COL13A1: variants seen among roughly 807,000 people sequenced by gnomAD.
COL13A1 encodes the protein collagen alpha-1(XIII) chain.
A neutral mutation model predicts 130.9 loss-of-function variants in COL13A1; 89 were observed. The ratio of observed to expected loss-of-function variants is 0.68; its 90% CI spans 0.57 to 0.81. The LOEUF is 0.81. Ranked by LOEUF, COL13A1 falls within the 30% of genes least tolerant of loss-of-function variation. The probability of loss-of-function intolerance (pLI) is 0.00; values close to 1 mark genes in which losing one functional copy is unlikely to be tolerated. For synonymous variants in COL13A1, 402 were observed against 341.6 expected, an observed-to-expected ratio of 1.18 and a Z score of -1.95; for missense variants, 879 against 934.6, an observed-to-expected ratio of 0.94 and a Z score of 0.78.
intron 1 of COL13A1, among the ~76,000 whole-genome samples, chr10:69,816,710 G>A (rs1457201450): frequency 6.6e-6 from 1 of 152,130 alleles, no homozygotes; most frequent in Non-Finnish European, 1.5e-5. Flanking sequence ...AGGGCAGGAA[G>A]TGCCCCGAGG....
intron 27 of COL13A1, among the ~76,000 whole-genome samples, 193 bp downstream of exon 27, chr10:69,927,303 G>A (rs970595808): frequency 1.3e-5 from 2 of 152,124 alleles, no homozygotes; most frequent in African/African-American, 2.4e-5. Context: ...GGTGGGCCTC[G>A]AGAGCTGCCC....
At chr10:69,842,479 T>C (rs1851869315) in intron 2 of COL13A1, among the ~76,000 whole-genome samples, 1 of 152,320 alleles carries the variant, frequency 6.6e-6, no homozygotes, top group Non-Finnish European at 1.5e-5. Flanking sequence ...CCATGCTCTG[T>C]AGCCTCTGTA....
intron 1 of COL13A1, among the ~76,000 whole-genome samples, chr10:69,805,502 T>G (rs1841326101): frequency 6.6e-6 from 1 of 152,228 alleles, no homozygotes; most frequent in Admixed American, 6.5e-5. Context: ...GCTAGTCATA[T>G]GCAACTCATT....
At chr10:69,927,991 A>C (rs1346430636) in intron 27 of COL13A1, among the ~76,000 whole-genome samples, 1 of 152,126 alleles carries the variant, frequency 6.6e-6, no homozygotes, top group Non-Finnish European at 1.5e-5. Context: ...GTCTCTACTA[A>C]AAATACAAAA....
intron 1 of COL13A1, among the ~76,000 whole-genome samples, chr10:69,812,643 C>A (rs1843358665): frequency 6.6e-6 from 1 of 152,196 alleles, no homozygotes. Context: ...CCCTCTCTGT[C>A]TTAGTTTCCT....
At chr10:69,915,085 C>T (rs1004909763) in intron 17 of COL13A1, among the ~76,000 whole-genome samples, 2 of 152,264 alleles carry the variant, frequency 1.3e-5, no homozygotes, top group African/African-American at 4.8e-5. Flanking sequence ...AGACAACAGA[C>T]TATCCAAAGC....
intron 38 of COL13A1, among the ~76,000 whole-genome samples, chr10:69,948,226 A>G (rs1275251141): frequency 6.6e-6 from 1 of 152,212 alleles, no homozygotes; most frequent in Non-Finnish European, 1.5e-5. Context: ...AGTTAGAGGA[A>G]GAGCACACGG....
At chr10:69,889,948 T>A (rs1332202757) in intron 10 of COL13A1, among the ~76,000 whole-genome samples, 1 of 152,098 alleles carries the variant, frequency 6.6e-6, no homozygotes, top group East Asian at 1.9e-4. Flanking sequence ...GCCACATGCA[T>A]CATCCCAAAG....
At position 69,849,632 on chromosome 10, in the gene COL13A1, C is replaced by A. The variant is rs377176544; in HGVS notation, c.365-18166C>A. On this transcript the variant is annotated intron_variant, in intron 2 of 40. Coordinates refer to ENST00000645393, the MANE Select transcript of COL13A1 (RefSeq NM_001368882.1). Reference sequence around the variant, plus strand: ...AGCATGTGGGAACAACTGTGTGTAGCCTTCTGTTGTGTTTGGGGGCTGAAG... The same window carrying A: ...AGCATGTGGGAACAACTGTGTGTAGACTTCTGTTGTGTTTGGGGGCTGAAG... 2.6e-5 allele frequency among the ~76,000 whole-genome samples: 4 copies of A among 152,322 alleles called. No individual in the cohort carries two copies. In the East Asian group the frequency reaches 7.7e-4, roughly 29 times the overall value.
At chr10:69,867,771 C>T (rs139715885) in intron 2 of COL13A1, 27 bp from the exon 3 acceptor site, 8,154 of 718,532 alleles carry the variant, frequency 0.011, 69 homozygotes, top group Middle Eastern at 0.027. Flanking sequence ...ATGACACTGA[C>T]CCAGGCATTT....
intron 34 of COL13A1, among the ~76,000 whole-genome samples, chr10:69,940,709 G>T (rs1452355165): frequency 6.6e-6 from 1 of 152,166 alleles, no homozygotes; most frequent in Non-Finnish European, 1.5e-5. Flanking sequence ...GGAGAGAGGA[G>T]AAGGGGGGCG....
At chr10:69,887,740 G>A (rs1029399276) in intron 8 of COL13A1, among the ~76,000 whole-genome samples, 1 of 152,210 alleles carries the variant, frequency 6.6e-6, no homozygotes, top group Non-Finnish European at 1.5e-5. Flanking sequence ...CCCCAGGTGA[G>A]TGAAGTCACA....
chr10:69,924,872 C>G, intron 24 of COL13A1, 91 bp from the exon 25 acceptor site: 1 of 1,311,038 alleles, frequency 7.6e-7, no homozygotes, highest in Non-Finnish European at 1.0e-6. Context: ...TAAGATGAGC[C>G]TCCTGGCCCT....
intron 35 of COL13A1, among the ~76,000 whole-genome samples, chr10:69,941,290 A>G (rs957611628): frequency 6.6e-6 from 1 of 152,166 alleles, no homozygotes; most frequent in African/African-American, 2.4e-5. Context: ...CCACTCCAGC[A>G]GCACCGCTCC....
intron 5 of COL13A1, chr10:69,877,184 T>C (rs914756682): frequency 3.9e-5 from 6 of 152,238 alleles, no homozygotes; most frequent in Non-Finnish European, 1.5e-5. Flanking sequence ...GGCCAGTAGG[T>C]GTGACATGCC....
rs1425730703 is a variant in COL13A1 at position 69,919,665 on chromosome 10, G to A, written c.1027G>A (p.Gly343Arg). ...GTGACTTTCTCTTCTTACCCCAAAG[G>A]GAGACCCAGGAGCAGAAGGGAAGCC... ...KGEPGIPGTK[G>R]DPGAEGKPGP... Residue 343 changes from glycine (G) to arginine (R), a missense_variant and splice_region_variant, in exon 21 of 41, where the codon GGA becomes AGA. Gly to Arg is a moderately radical substitution (Grantham distance 125). Around this residue, in one of 3 missense-constraint regions of COL13A1, gnomAD observed 715 missense variants for 721.0 expected, o/e 0.99. Coordinates refer to ENST00000645393, the MANE Select transcript of COL13A1 (RefSeq NM_001368882.1). 1 of 398,668 alleles carries A rather than the reference G, an allele frequency of 2.5e-6. No homozygotes were observed. The highest frequency in any genetic ancestry group is 3.6e-5 in the East Asian group (1 of 28,072). The allele number at this position is 398,668 out of a possible 1,614,324, so 24.7% of individuals were successfully genotyped here.
chr10:69,824,216 A>G (rs1846913520), intron 2 of COL13A1: 1 of 462,718 alleles, frequency 2.2e-6, no homozygotes, highest in Non-Finnish European at 4.5e-6. Context: ...ACTGCTTAGC[A>G]TCTTCTCTGA....
chr10:69,900,182 G>T (rs2062044426), intron 14 of COL13A1, among the ~76,000 whole-genome samples: 1 of 152,120 alleles, frequency 6.6e-6, no homozygotes, highest in African/African-American at 2.4e-5. Context: ...CATTCCAGGA[G>T]AGCTGAGTCC....
intron 27 of COL13A1, 80 bp from the exon 28 acceptor site, chr10:69,928,857 C>T (rs1014640729): frequency 3.3e-5 from 34 of 1,017,942 alleles, no homozygotes; most frequent in Non-Finnish European, 5.1e-5. Context: ...TACAAGCCAG[C>T]CTCCACATAT....
Sources: allele counts gnomAD v4.1 joint callset (sites outside exome capture counted in the v4.1 genomes callset), GRCh38; gene constraint gnomAD v4.1.1; regional missense constraint gnomAD v4.1.1; transcripts MANE v1.5; gene names NCBI Gene and HGNC (gene_info 2026-07-23, HGNC 2026-07-21).